ZFHX3: variants seen among roughly 807,000 people sequenced by gnomAD.
ZFHX3 encodes zinc finger homeobox 3.
In ZFHX3, 42 loss-of-function variants were observed where a neutral mutation model predicts 279.1. The ratio of observed to expected loss-of-function variants is 0.15; its 90% CI spans 0.12 to 0.19. ZFHX3 has a LOEUF of 0.19. ZFHX3 is among the 10% of genes least tolerant of loss of function. The probability of loss-of-function intolerance (pLI) is 1.00; values close to 1 mark genes in which losing one functional copy is unlikely to be tolerated. For missense variants in ZFHX3, 4,981 were observed against 4,754.0 expected, an observed-to-expected ratio of 1.05 and a Z score of -1.40; for synonymous variants, 2,293 against 1,957.8, an observed-to-expected ratio of 1.17 and a Z score of -4.52.
At chr16:73,332,749 C>T (rs1489950434) in intron 3 of ZFHX3, among the ~76,000 whole-genome samples, 1 of 152,154 alleles carries the variant, frequency 6.6e-6, no homozygotes, top group Non-Finnish European at 1.5e-5. Context: ...ACGTAGTGAT[C>T]TCTTTCCATG....
chr16:73,303,601 G>A (rs1242376053), intron 4 of ZFHX3, among the ~76,000 whole-genome samples: 4 of 152,204 alleles, frequency 2.6e-5, no homozygotes, highest in African/African-American at 9.7e-5. Flanking sequence ...CTGGGTTTGA[G>A]TGAAGAATTA....
At chr16:73,010,778 C>G (rs1963886239) in intron 1 of ZFHX3, among the ~76,000 whole-genome samples, 2 of 152,196 alleles carry the variant, frequency 1.3e-5, no homozygotes, top group African/African-American at 4.8e-5. Flanking sequence ...GTTCTACTCT[C>G]TGACCAACAT....
At chr16:73,764,713 GA>G (rs2142285708) in intron 1 of ZFHX3, among the ~76,000 whole-genome samples, 1 of 152,190 alleles carries the variant, frequency 6.6e-6, no homozygotes, top group South Asian at 2.1e-4. Context: ...GAACAGGTGG[GA>G]AATTTTCTAA....
intron 3 of ZFHX3, among the ~76,000 whole-genome samples, chr16:73,358,173 G>A (rs1192117726): frequency 5.9e-5 from 9 of 152,212 alleles, no homozygotes; most frequent in South Asian, 2.1e-4. Context: ...AGGCAGCTCC[G>A]GAAATGGCCC....
intron 7 of ZFHX3, among the ~76,000 whole-genome samples, chr16:72,808,323 C>T (rs1322350344): frequency 6.6e-6 from 1 of 152,138 alleles, no homozygotes; most frequent in South Asian, 2.1e-4. Context: ...CAAATTCCCT[C>T]TAACCCTGGT....
At chr16:72,928,969 A>T (rs1338171650) in intron 3 of ZFHX3, among the ~76,000 whole-genome samples, 2 of 151,998 alleles carry the variant, frequency 1.3e-5, no homozygotes, top group Admixed American at 1.3e-4. Context: ...TGGGTGCGGG[A>T]GCTCATGCCT....
At chr16:73,674,654 C>T (rs912915331) in intron 2 of ZFHX3, among the ~76,000 whole-genome samples, 1 of 152,180 alleles carries the variant, frequency 6.6e-6, no homozygotes, top group African/African-American at 2.4e-5. Flanking sequence ...TTCTCTACCT[C>T]TTGAATCTGG....
At chr16:73,354,014 G>A (rs2016292960) in intron 3 of ZFHX3, among the ~76,000 whole-genome samples, 1 of 152,094 alleles carries the variant, frequency 6.6e-6, no homozygotes, top group Admixed American at 6.5e-5. Context: ...GAAGGAAACT[G>A]AGGCTCAGAG....
At chr16:73,037,443 T>C (rs1964951402) in intron 1 of ZFHX3, among the ~76,000 whole-genome samples, 1 of 152,146 alleles carries the variant, frequency 6.6e-6, no homozygotes. Context: ...GGCTGTTCTG[T>C]TTACTAGGAA....
intron 3 of ZFHX3, among the ~76,000 whole-genome samples, chr16:73,390,977 G>A (rs2017000734): frequency 6.6e-6 from 1 of 151,412 alleles, no homozygotes; most frequent in South Asian, 2.1e-4. Flanking sequence ...ATGCCCAGAA[G>A]CTATTTTTTT....
intron 1 of ZFHX3, among the ~76,000 whole-genome samples, chr16:73,777,520 A>AG (rs1038032474): frequency 1.3e-5 from 2 of 151,086 alleles, no homozygotes; most frequent in Admixed American, 1.3e-4. Flanking sequence ...AAAAAAAAAA[A>AG]AAAAAAAAAA....
intron 5 of ZFHX3, among the ~76,000 whole-genome samples, chr16:73,247,873 A>G (rs1225241376): frequency 1.4e-5 from 2 of 147,430 alleles, no homozygotes; most frequent in African/African-American, 5.1e-5. Flanking sequence ...TGCGGAGTGT[A>G]TAAGTGTGTG....
rs750578464 is a variant in ZFHX3, at chr16:73,650,724, T to C, written c.-1547+29456A>G. ...TAACAACAAAAATTAAGGTGACAAA[T>C]TCAATTTAGGGTGGTCTTGAAGGTA... is the stretch of plus-strand genomic sequence containing the variant. On this transcript the variant is annotated intron_variant, in intron 2 of 17. Transcript: ENST00000641206. 1.1e-3 allele frequency among the ~76,000 whole-genome samples: 164 copies of C among 152,252 alleles called. 2 individuals carry two copies. The highest frequency in any genetic ancestry group is 6.8e-3 in the Middle Eastern group (2 of 294).
intron 8 of ZFHX3, among the ~76,000 whole-genome samples, chr16:73,071,479 C>CTGCTGCTGCT (rs1336144367): frequency 8.5e-4 from 113 of 132,290 alleles, no homozygotes; most frequent in African/African-American, 3.9e-3. Context: ...CTGCTGCTGC[C>CTGCTGCTGCT]GCCGCCGCCG....
intron 4 of ZFHX3, among the ~76,000 whole-genome samples, chr16:73,279,923 C>G (rs1171179098): frequency 4.3e-4 from 66 of 152,260 alleles, no homozygotes; most frequent in Non-Finnish European, 4.4e-5. Context: ...AAAACAGATA[C>G]ATAGACTAAT....
Position 72,959,162 on chromosome 16 carries a change from C to A in ZFHX3, c.984G>T (p.Gly328=). ...SNKNISAIIQ[G]IGKDKEPLVS... The stretch of plus-strand genomic sequence containing the variant: ...CAAGGGGTTCCTTGTCTTTGCCGAT[C>A]CCTTGGATGATAGCGGAGATGTTCT... Residue 328 remains glycine, a synonymous_variant, in exon 2 of 10, where the codon GGG becomes GGT. Transcript: ENST00000268489. 1 of 1,614,232 alleles carries A rather than the reference C, an allele frequency of 6.2e-7. No individual in the cohort carries two copies. The highest frequency in any genetic ancestry group is 2.2e-5 in the East Asian group (1 of 44,886).
chr16:73,442,071 C>G (rs2018104363), intron 3 of ZFHX3, among the ~76,000 whole-genome samples: 1 of 152,124 alleles, frequency 6.6e-6, no homozygotes, highest in Non-Finnish European at 1.5e-5. Context: ...AATGATGGCT[C>G]TCAGTACCAA....
intron 1 of ZFHX3, among the ~76,000 whole-genome samples, chr16:73,864,535 A>C (rs900569687): frequency 2.6e-5 from 4 of 152,174 alleles, no homozygotes; most frequent in Non-Finnish European, 4.4e-5. Context: ...CCTGGACAAC[A>C]TGGTGAAACC....
chr16:73,199,638 C>A (rs926809023), intron 5 of ZFHX3, among the ~76,000 whole-genome samples: 1 of 152,180 alleles, frequency 6.6e-6, no homozygotes, highest in African/African-American at 2.4e-5. Flanking sequence ...TTCTTAACAC[C>A]TCAAGGTAAG....
Sources: allele counts gnomAD v4.1 joint callset (sites outside exome capture counted in the v4.1 genomes callset), GRCh38; gene constraint gnomAD v4.1.1; transcripts MANE v1.5; gene names NCBI Gene and HGNC (gene_info 2026-07-23, HGNC 2026-07-21).